Variants in KIAA1217 observed in about 807,000 individuals in gnomAD.
The protein encoded by KIAA1217 is sickle tail protein homolog.
A neutral mutation model predicts 163.9 loss-of-function variants in KIAA1217; 88 were observed. The observed-to-expected ratio is 0.54, with a 90% CI of 0.45 to 0.64. KIAA1217 has a LOEUF of 0.64. Ranked by LOEUF, KIAA1217 falls within the 30% of genes least tolerant of loss-of-function variation. KIAA1217 has a pLI of 0.00. For synonymous variants in KIAA1217, 903 were observed against 923.1 expected (o/e 0.98, Z 0.39); for missense variants, 2,372 against 2,475.0 (o/e 0.96, Z 0.88).
At chr10:24,111,470 A>G (rs1308213056) in intron 2 of KIAA1217, among the ~76,000 whole-genome samples, 5 of 150,510 alleles carry the variant, frequency 3.3e-5, no homozygotes, top group African/African-American at 7.4e-5. Flanking sequence ...ATTTTGGGGG[A>G]AAAAAAAATC....
intron 3 of KIAA1217, among the ~76,000 whole-genome samples, chr10:24,409,485 A>AT (rs199507044): frequency 0.017 from 2,647 of 152,302 alleles, 71 homozygotes; most frequent in African/African-American, 0.06. Context: ...CCAAAGGAAC[A>AT]TTTTAGGGTG....
At chr10:24,299,920 A>G (rs561724527) in intron 2 of KIAA1217, among the ~76,000 whole-genome samples, 8 of 152,084 alleles carry the variant, frequency 5.3e-5, no homozygotes, top group Admixed American at 1.3e-4. Context: ...GACCCCCAGA[A>G]GCTGTGCATG....
intron 2 of KIAA1217, among the ~76,000 whole-genome samples, chr10:24,199,311 T>A (rs1347121235): frequency 6.6e-6 from 1 of 152,230 alleles, no homozygotes; most frequent in Non-Finnish European, 1.5e-5. Context: ...TAAGAAAATA[T>A]GCAACTGTTT....
At chr10:23,805,513 G>A (rs1564436690) in intron 1 of KIAA1217, among the ~76,000 whole-genome samples, 1 of 152,072 alleles carries the variant, frequency 6.6e-6, no homozygotes, top group African/African-American at 2.4e-5. Flanking sequence ...CAACAGACTA[G>A]GGCCTATTGG....
intron 5 of KIAA1217, among the ~76,000 whole-genome samples, chr10:24,447,384 C>T (rs1173468112): frequency 6.6e-6 from 1 of 152,090 alleles, no homozygotes; most frequent in Non-Finnish European, 1.5e-5. Flanking sequence ...TATGCCTCCC[C>T]ACTCCTCCCA....
intron 2 of KIAA1217, among the ~76,000 whole-genome samples, chr10:24,300,908 G>A (rs2132698361): frequency 6.6e-6 from 1 of 152,218 alleles, no homozygotes; most frequent in South Asian, 2.1e-4. Context: ...TGCCTTCCGG[G>A]TTCAAGCAAT....
intron 2 of KIAA1217, among the ~76,000 whole-genome samples, chr10:24,345,487 A>C (rs1285783843): frequency 6.6e-6 from 1 of 152,218 alleles, no homozygotes; most frequent in Non-Finnish European, 1.5e-5. Context: ...AACATTATGG[A>C]AACACTAACG....
At chr10:24,340,040 G>T (rs2133800983) in intron 2 of KIAA1217, among the ~76,000 whole-genome samples, 1 of 152,290 alleles carries the variant, frequency 6.6e-6, no homozygotes, top group Middle Eastern at 3.4e-3. Context: ...GTGGTTCTGT[G>T]GGGAAGGAAA....
intron 1 of KIAA1217, among the ~76,000 whole-genome samples, chr10:23,871,042 A>G (rs1364412414): frequency 6.6e-6 from 1 of 150,600 alleles, no homozygotes; most frequent in Admixed American, 6.6e-5. Flanking sequence ...ACAAAGCTGC[A>G]TACTTTCCTC....
chr10:24,132,812 G>A (rs1467659438), intron 2 of KIAA1217, among the ~76,000 whole-genome samples: 2 of 152,220 alleles, frequency 1.3e-5, no homozygotes, highest in Non-Finnish European at 2.9e-5. Flanking sequence ...AGGCTGGGGG[G>A]CTGTCTGCCG....
In KIAA1217 at chr10:24,037,565, G is replaced by A. The variant is rs193181865; in HGVS notation, c.-171+30191G>A. 1.1e-4 allele frequency among the ~76,000 whole-genome samples: 16 copies of A among 152,278 alleles called. No individual in the cohort carries two copies. The East Asian group carries it at 2.9e-3, about 28-fold the overall frequency. ...AACCTCAGAGCAAACCTGATCAGCT[G>A]GTGAATGATCTCAGTATGGAAGTCT... is the stretch of plus-strand genomic sequence containing the variant. On this transcript the variant is annotated intron_variant, in intron 2 of 18. Coordinates refer to the KIAA1217 transcript ENST00000376462.
intron 2 of KIAA1217, among the ~76,000 whole-genome samples, chr10:24,116,136 G>C (rs1045801884): frequency 6.6e-6 from 1 of 151,990 alleles, no homozygotes; most frequent in Admixed American, 6.6e-5. Flanking sequence ...TTGCCCCCTG[G>C]GATCTTGGGG....
intron 16 of KIAA1217, among the ~76,000 whole-genome samples, 187 bp downstream of exon 16, chr10:24,533,424 T>C (rs987634399): frequency 6.6e-6 from 1 of 152,238 alleles, no homozygotes; most frequent in South Asian, 2.1e-4. Flanking sequence ...AGGATGCCTA[T>C]AAGATGTGCA....
intron 1 of KIAA1217, among the ~76,000 whole-genome samples, chr10:23,714,861 C>G (rs1430870626): frequency 6.6e-6 from 1 of 152,002 alleles, no homozygotes; most frequent in Non-Finnish European, 1.5e-5. Context: ...AGGTAGATCT[C>G]CTCACCATTA....
At chr10:24,265,592 C>T (rs1188163670) in intron 2 of KIAA1217, among the ~76,000 whole-genome samples, 1 of 152,170 alleles carries the variant, frequency 6.6e-6, no homozygotes, top group Non-Finnish European at 1.5e-5. Flanking sequence ...CCATAGCTGT[C>T]TTCTTCCTCT....
chr10:24,229,381 A>C (rs1412991752), intron 2 of KIAA1217, among the ~76,000 whole-genome samples: 1 of 152,262 alleles, frequency 6.6e-6, no homozygotes, highest in Non-Finnish European at 1.5e-5. Flanking sequence ...TTTCCTCTTC[A>C]GAGCTATTAA....
At chr10:23,839,587 G>A (rs1564465413) in intron 1 of KIAA1217, among the ~76,000 whole-genome samples, 3 of 152,106 alleles carry the variant, frequency 2.0e-5, no homozygotes, top group Non-Finnish European at 4.4e-5. Flanking sequence ...TTTATATACA[G>A]CATGGCTGTG....
In KIAA1217 at chr10:24,088,660, G is replaced by A. The variant is rs1257337652; in HGVS notation, c.-171+81286G>A. Among the ~76,000 whole-genome samples, 3 of 123,688 alleles carry A rather than the reference G, an allele frequency of 2.4e-5. 1 individual carries two copies. The highest frequency in any genetic ancestry group is 4.0e-5 in the Non-Finnish European group (2 of 50,114). The allele number at this position is 123,688 out of a possible 152,430, so 81.1% of individuals were successfully genotyped here. A position where few individuals can be genotyped will look rare whatever the true frequency, so the allele number is the denominator to read the frequency against. ...TTATGGCTGCATAGTATTCCATGGT[G>A]TATATGTGCCACATTTTCTTAATCC... is the stretch of plus-strand genomic sequence containing the variant. On this transcript the variant is annotated intron_variant, in intron 2 of 18. Transcript: ENST00000376462.
chr10:24,075,828 T>C (rs910144852), intron 2 of KIAA1217, among the ~76,000 whole-genome samples: 1 of 152,166 alleles, frequency 6.6e-6, no homozygotes, highest in African/African-American at 2.4e-5. Flanking sequence ...GGTCTTGAAC[T>C]CCTGACCTCA....
Sources: gnomAD v4.1 joint callset for allele counts (sites outside exome capture counted in the v4.1 genomes callset) on GRCh38, gnomAD v4.1.1 for gene constraint, MANE v1.5 for transcripts, NCBI Gene and HGNC (gene_info 2026-07-23, HGNC 2026-07-21) for gene names.